RERE: variants seen among roughly 807,000 people sequenced by gnomAD.
The protein encoded by RERE is arginine-glutamic acid dipeptide repeats protein.
Under a neutral mutation model 146.1 loss-of-function variants are expected in RERE, and 40 were observed. That is an observed-to-expected ratio of 0.27 (90% confidence interval 0.21 to 0.36). The LOEUF is 0.36. Ranked by LOEUF, RERE falls within the 10% of genes least tolerant of loss-of-function variation. The pLI is 1.00. For synonymous variants in RERE, 1,003 were observed against 866.0 expected (o/e 1.16, Z -2.78); for missense variants, 1,933 against 2,138.7 (o/e 0.90, Z 1.90).
chr1:8,653,191 CCA>C (rs796201300), intron 2 of RERE, among the ~76,000 whole-genome samples: 3 of 152,242 alleles, frequency 2.0e-5, no homozygotes, highest in African/African-American at 7.2e-5. Context: ...GCAGCATTTT[CCA>C]CACATATTTG....
intron 1 of RERE, among the ~76,000 whole-genome samples, chr1:8,762,727 C>T (rs1640778553): frequency 6.6e-6 from 1 of 152,204 alleles, no homozygotes; most frequent in Non-Finnish European, 1.5e-5. Context: ...AATGACCACC[C>T]TGTTTAAAAC....
At chr1:8,705,448 A>AT (rs899382576) in intron 1 of RERE, among the ~76,000 whole-genome samples, 23 of 152,326 alleles carry the variant, frequency 1.5e-4, no homozygotes, top group Admixed American at 8.5e-4. Flanking sequence ...CAGACCGTTT[A>AT]AAGCCTCCTT....
chr1:8,672,259 C>T (rs1362189092), intron 1 of RERE, among the ~76,000 whole-genome samples: 1 of 152,018 alleles, frequency 6.6e-6, no homozygotes, highest in Non-Finnish European at 1.5e-5. Context: ...CTGCAGCCTC[C>T]ATGTCCTAGG....
intron 1 of RERE, among the ~76,000 whole-genome samples, chr1:8,744,644 G>T (rs531903132): frequency 3.3e-5 from 5 of 152,302 alleles, no homozygotes; most frequent in African/African-American, 1.2e-4. Context: ...TAAAAGAGAT[G>T]ACCTTCAAAC....
intron 2 of RERE, among the ~76,000 whole-genome samples, chr1:8,631,027 T>C (rs754447528): frequency 5.3e-5 from 8 of 152,206 alleles, no homozygotes; most frequent in Non-Finnish European, 1.2e-4. Flanking sequence ...ACACTAAATA[T>C]TTCTAGCAAA....
intron 1 of RERE, among the ~76,000 whole-genome samples, chr1:8,797,789 C>G (rs1478414841): frequency 6.6e-6 from 1 of 152,178 alleles, no homozygotes; most frequent in Non-Finnish European, 1.5e-5. Context: ...AATCCAAGTA[C>G]CTGACTGCAG....
At chr1:8,396,520 T>C (rs1296860247) in intron 12 of RERE, among the ~76,000 whole-genome samples, 1 of 152,158 alleles carries the variant, frequency 6.6e-6, no homozygotes, top group Non-Finnish European at 1.5e-5. Flanking sequence ...AGGATCTTCA[T>C]CTCCTTTTCA....
At chr1:8,518,271 C>A (rs946207395) in intron 7 of RERE, among the ~76,000 whole-genome samples, 1 of 152,176 alleles carries the variant, frequency 6.6e-6, no homozygotes, top group Non-Finnish European at 1.5e-5. Context: ...TCAGCCCCTC[C>A]CCAAGCCTTG....
rs1465862203 is a variant in RERE at position 8,423,458 on chromosome 1, A to C, written c.1204-651T>G. The C allele has an allele frequency of 1.2e-6, 1 of 821,222 alleles. No individual in the cohort carries two copies. The highest frequency in any genetic ancestry group is 1.5e-6 in the Non-Finnish European group (1 of 679,946). 50.9% of individuals were successfully genotyped at this position (821,222 alleles called of 1,614,324 possible). A position where few individuals can be genotyped will look rare whatever the true frequency, so the allele number is the denominator to read the frequency against. ...CGCCGCCCCCATCCATTTTCGCAGC[A>C]GACTCGTCCCTAACCCCAGCCCGGA... is the stretch of plus-strand genomic sequence containing the variant. On this transcript the variant is annotated intron_variant, in intron 11 of 22. Transcript: ENST00000400908. The surrounding 1 kb of genome is among the most constrained non-coding windows in gnomAD (Gnocchi z 5.4).
intron 2 of RERE, among the ~76,000 whole-genome samples, chr1:8,649,742 A>AG: frequency 6.6e-6 from 1 of 152,172 alleles, no homozygotes; most frequent in Non-Finnish European, 1.5e-5. Flanking sequence ...AAAAAAAAAA[A>AG]AAAATGTATA....
intron 2 of RERE, among the ~76,000 whole-genome samples, chr1:8,645,669 A>G (rs1170591890): frequency 6.6e-6 from 1 of 152,220 alleles, no homozygotes; most frequent in African/African-American, 2.4e-5. Context: ...TGGTGCAGAG[A>G]ACAACTACAG....
At chr1:8,560,361 C>A (rs1395955350) in intron 4 of RERE, among the ~76,000 whole-genome samples, 1 of 152,158 alleles carries the variant, frequency 6.6e-6, no homozygotes, top group Non-Finnish European at 1.5e-5. Flanking sequence ...CCTGTGGGGA[C>A]AAAATTGTCC....
intron 11 of RERE, among the ~76,000 whole-genome samples, chr1:8,426,095 A>G (rs1211586315): frequency 9.9e-5 from 15 of 152,148 alleles, no homozygotes; most frequent in Admixed American, 8.5e-4. Flanking sequence ...ACCATTTTCT[A>G]TGAGTCTGTA....
chr1:8,632,502 T>C (rs1647047313), intron 2 of RERE, among the ~76,000 whole-genome samples: 2 of 152,224 alleles, frequency 1.3e-5, no homozygotes, highest in Admixed American at 6.5e-5. Context: ...CTTTACAGGT[T>C]TTCTGCTACT....
intron 1 of RERE, among the ~76,000 whole-genome samples, chr1:8,766,409 A>G (rs971287731): frequency 2.0e-5 from 3 of 151,920 alleles, no homozygotes; most frequent in African/African-American, 7.3e-5. Context: ...ATGTAGTGGC[A>G]CGCACCTATA....
chr1:8,401,630 T>C lies in RERE; in HGVS notation c.1284+21097A>G, dbSNP rs997685728. Among the ~76,000 whole-genome samples, 3 of 151,832 alleles carry C rather than the reference T, an allele frequency of 2.0e-5. No individual in the cohort carries two copies. In the South Asian group the frequency reaches 6.2e-4, roughly 32 times the overall value. On this transcript the variant is annotated intron_variant, in intron 12 of 22. Coordinates refer to ENST00000400908, the MANE Select transcript of RERE (RefSeq NM_001042681.2). ...AAAATATTAGCCAGGCATGGCATCA[T>C]GCACCTGCAGTCCCAGCTACTCGGG...
intron 10 of RERE, among the ~76,000 whole-genome samples, chr1:8,476,505 G>T (rs926167934): frequency 1.3e-5 from 2 of 152,068 alleles, no homozygotes; most frequent in Non-Finnish European, 2.9e-5. Flanking sequence ...TCAGAAAAGA[G>T]GAAAGACACA....
chr1:8,581,083 G>C (rs761679538), intron 4 of RERE, among the ~76,000 whole-genome samples: 1 of 152,168 alleles, frequency 6.6e-6, no homozygotes, highest in Non-Finnish European at 1.5e-5. Flanking sequence ...TATTCAAGTG[G>C]TTGTACCATC....
chr1:8,501,943 A>G (rs1339184327), intron 8 of RERE, among the ~76,000 whole-genome samples: 140 of 2,370 alleles, frequency 0.059, no homozygotes, highest in Non-Finnish European at 0.064. Flanking sequence ...GGTGGGGGGG[A>G]TCAGCCCCCC....
Sources: allele counts gnomAD v4.1 joint callset (sites outside exome capture counted in the v4.1 genomes callset), GRCh38; gene constraint gnomAD v4.1.1; non-coding constraint Gnocchi (gnomAD v3.1); transcripts MANE v1.5; gene names NCBI Gene and HGNC (gene_info 2026-07-23, HGNC 2026-07-21).